TNN: variants seen among roughly 807,000 people sequenced by gnomAD.
TNN encodes tenascin N, also known as tenascin-N.
Under a neutral mutation model 134.4 loss-of-function variants are expected in TNN, and 122 were observed. The observed-to-expected ratio is 0.91, with a 90% CI of 0.78 to 1.06. TNN has a LOEUF of 1.06. TNN is among the 50% of genes least tolerant of loss of function. TNN has a pLI of 0.00. For missense variants in TNN, 1,739 were observed against 1,699.4 expected (o/e 1.02, Z -0.41); for synonymous variants, 710 against 670.3 (o/e 1.06, Z -0.91).
chr1:175,146,188 G>A (rs926736175), intron 18 of TNN, among the ~76,000 whole-genome samples: 4 of 152,200 alleles, frequency 2.6e-5, no homozygotes, highest in Admixed American at 6.5e-5. Context: ...ACTCAGGGAA[G>A]CCAGGGATAG....
chr1:175,072,700 T>C (rs1211095555), intron 1 of TNN, among the ~76,000 whole-genome samples: 2 of 152,164 alleles, frequency 1.3e-5, no homozygotes. Context: ...TCCCTTGCTC[T>C]CATCTTCTTT....
chr1:175,137,394 T>TGTGTGTG (rs1675843249), intron 17 of TNN, among the ~76,000 whole-genome samples: 1 of 11,656 alleles, frequency 8.6e-5, no homozygotes, highest in Non-Finnish European at 2.7e-4. Flanking sequence ...GTGTGTGTGA[T>TGTGTGTG]TATTTGAGCT....
chr1:175,144,196 C>A (rs1676006441), intron 17 of TNN, among the ~76,000 whole-genome samples, 191 bp from the exon 18 acceptor site: 1 of 152,048 alleles, frequency 6.6e-6, no homozygotes, highest in African/African-American at 2.4e-5. Flanking sequence ...GGGTACAGGC[C>A]AGGAAAGACA....
At chr1:175,133,418 C>G (rs1442255678) in intron 15 of TNN, among the ~76,000 whole-genome samples, 2 of 152,226 alleles carry the variant, frequency 1.3e-5, no homozygotes, top group Non-Finnish European at 2.9e-5. Flanking sequence ...GCTAAAATCA[C>G]CAGTGATTTC....
intron 12 of TNN, among the ~76,000 whole-genome samples, chr1:175,126,384 G>T (rs1675529565): frequency 6.6e-6 from 1 of 152,136 alleles, no homozygotes; most frequent in South Asian, 2.1e-4. Context: ...ACAGGCATGA[G>T]CCACCGTGCC....
chr1:175,143,021 G>T (rs74340881), intron 17 of TNN, among the ~76,000 whole-genome samples: 1 of 152,102 alleles, frequency 6.6e-6, no homozygotes, highest in East Asian at 1.9e-4. Flanking sequence ...CGTGCAAGAA[G>T]CCCCCCATTG....
chr1:175,083,440 G>A (rs1476514392), intron 4 of TNN, among the ~76,000 whole-genome samples: 1 of 152,188 alleles, frequency 6.6e-6, no homozygotes, highest in Non-Finnish European at 1.5e-5. Context: ...TGGTTTGGGT[G>A]GCCAACCTGA....
rs2149433048 is a variant in TNN at position 175,098,341 on chromosome 1, G to A, written c.1865G>A (p.Ser622Asn). Residue 622 changes from serine (S) to asparagine (N), a missense_variant, in exon 9 of 19, where the codon AGC becomes AAC. Transcript: ENST00000239462. Reference protein sequence around the residue: ...ADTNAPTDIDSPKNLVTDRVT... With the variant: ...ADTNAPTDIDNPKNLVTDRVT... ...AACATTTTCCTTCCAGATATTGACA[G>A]CCCCAAAAACCTGGTGACTGACCGG... 2 of 1,614,190 alleles carry A rather than the reference G, an allele frequency of 1.2e-6. No homozygotes were observed. The highest frequency in any genetic ancestry group is 1.7e-6 in the Non-Finnish European group (2 of 1,180,028).
At chr1:175,086,989 CA>C (rs1362653743) in intron 6 of TNN, among the ~76,000 whole-genome samples, 2 of 152,146 alleles carry the variant, frequency 1.3e-5, no homozygotes, top group African/African-American at 2.4e-5. Context: ...TTCTCTGCCA[CA>C]TATAAGAAAA....
intron 17 of TNN, 89 bp from the exon 18 acceptor site, chr1:175,144,298 T>C: frequency 7.7e-7 from 1 of 1,296,464 alleles, no homozygotes; most frequent in Non-Finnish European, 1.1e-6. Flanking sequence ...GGCATTTTCA[T>C]GCCTAGAGAT....
chr1:175,147,803 T>C lies in TNN; in HGVS notation c.*732T>C, dbSNP rs1020152924. Reference sequence around the variant, plus strand: ...ATAATTTGACTGTCTTGATAATTGGTTCCTCCCAAAGACTCTTCTGCAACT... The same window carrying C: ...ATAATTTGACTGTCTTGATAATTGGCTCCTCCCAAAGACTCTTCTGCAACT... On this transcript the variant is annotated 3_prime_UTR_variant, in exon 19 of 19. Transcript: ENST00000239462. The C allele has an allele frequency of 6.6e-6, 1 of 152,188 alleles. No homozygotes were observed. Among genetic ancestry groups the C allele is most frequent in the Non-Finnish European group, 1.5e-5 (1 of 68,038 alleles). 9.4% of individuals were successfully genotyped at this position (152,188 alleles called of 1,614,324 possible).
chr1:175,108,550 G>A (rs368053731), intron 9 of TNN, among the ~76,000 whole-genome samples: 9 of 152,360 alleles, frequency 5.9e-5, no homozygotes, highest in African/African-American at 9.6e-5. Context: ...AGGAACCCAC[G>A]GAGGCAGGGG....
chr1:175,122,518 G>A (rs78290553), intron 11 of TNN, among the ~76,000 whole-genome samples: 6,019 of 83,356 alleles, frequency 0.072, 359 homozygotes, highest in African/African-American at 0.19. Flanking sequence ...TGTAGTCATG[G>A]AAGCCAAGGG....
rs771481538 is a variant in TNN at position 175,080,188 on chromosome 1, G to A, written c.810G>A (p.Leu270=). The change falls in exon 4 of 19, where the codon CTG becomes CTA. Residue 270 remains leucine, a synonymous_variant. Transcript: ENST00000239462. ...AQVVTPQGLQ[L]LKNTEDSLLV... is the part of the protein sequence containing the mutation. Reference sequence around the variant, plus strand: ...TGGTCACCCCACAGGGCCTGCAGCTGCTCAAGAACACGGAGGATTCTCTGC... The same window carrying A: ...TGGTCACCCCACAGGGCCTGCAGCTACTCAAGAACACGGAGGATTCTCTGC... The A allele has an allele frequency of 5.0e-6, 8 of 1,614,010 alleles. No individual in the cohort carries two copies. The highest frequency in any genetic ancestry group is 6.8e-6 in the Non-Finnish European group (8 of 1,179,996).
At position 175,080,401 on chromosome 1, in the gene TNN, C is replaced by T; in HGVS notation, c.1023C>T (p.Ser341=). 1 of 1,614,110 alleles carries T rather than the reference C, an allele frequency of 6.2e-7. No individual in the cohort carries two copies. The highest frequency in any genetic ancestry group is 1.3e-5 in the African/African-American group (1 of 75,038). The change falls in exon 4 of 19, where the codon AGC becomes AGT. Residue 341 remains serine, a synonymous_variant. Coordinates refer to ENST00000239462, the MANE Select transcript of TNN (RefSeq NM_022093.2). ...LRNVKNEVSS[S]PQHLLATTDL... ...ACGTCAAGAATGAAGTTTCTAGCAG[C>T]CCACAGCATCTACTTGCCACCACAG...
intron 9 of TNN, among the ~76,000 whole-genome samples, chr1:175,112,123 G>T (rs1047810887): frequency 6.6e-6 from 1 of 151,886 alleles, no homozygotes; most frequent in Admixed American, 6.6e-5. Flanking sequence ...TGTTAAATAT[G>T]GGTTTGTCTT....
chr1:175,102,954 G>C lies in TNN; in HGVS notation c.2119+4359G>C, dbSNP rs551567220. Among the ~76,000 whole-genome samples, 35 of 146,500 alleles carry C rather than the reference G, an allele frequency of 2.4e-4. 5 individuals are homozygous for C. Among genetic ancestry groups the C allele is most frequent in the Admixed American group, 9.5e-4 (14 of 14,668 alleles). The stretch of plus-strand genomic sequence containing the variant: ...ACTTCCTGCTGGATGGGGCAAAGAA[G>C]GGGCCCTGCAGTTGCGGTGTCCTTC... On this transcript the variant is annotated intron_variant, in intron 9 of 18. Transcript: ENST00000239462.
rs61016389 is a variant in TNN at position 175,128,808 on chromosome 1, G to A, written c.3330+62G>A. On this transcript the variant is annotated intron_variant, in intron 15 of 18. Coordinates refer to ENST00000239462, the MANE Select transcript of TNN (RefSeq NM_022093.2). Reference sequence around the variant, plus strand: ...GCCTTCCTTCTCAGCCCAGGATGCCGGTCATGGATGCTCCATAGAGTGTTT... The same window carrying A: ...GCCTTCCTTCTCAGCCCAGGATGCCAGTCATGGATGCTCCATAGAGTGTTT... 8,485 of 1,521,522 alleles carry A rather than the reference G, an allele frequency of 5.6e-3. 385 individuals are homozygous for A. The African/African-American group carries it at 0.1, about 18-fold the overall frequency. The allele number at this position is 1,521,522 out of a possible 1,614,324, so 94.3% of individuals were successfully genotyped here.
At chr1:175,115,511 G>A (rs954151613) in intron 9 of TNN, among the ~76,000 whole-genome samples, 1 of 152,182 alleles carries the variant, frequency 6.6e-6, no homozygotes, top group Non-Finnish European at 1.5e-5. Flanking sequence ...CTGCTGCTTG[G>A]CCCCATGGGG....
Sources: allele counts gnomAD v4.1 joint callset (sites outside exome capture counted in the v4.1 genomes callset), GRCh38; gene constraint gnomAD v4.1.1; transcripts MANE v1.5; gene names NCBI Gene and HGNC (gene_info 2026-07-23, HGNC 2026-07-21).